INPP5B: variants seen among roughly 807,000 people sequenced by gnomAD.
The protein encoded by INPP5B is inositol polyphosphate-5-phosphatase B.
Under a neutral mutation model 118.5 loss-of-function variants are expected in INPP5B, and 90 were observed. The ratio of observed to expected loss-of-function variants is 0.76; its 90% CI spans 0.64 to 0.90. INPP5B has a LOEUF of 0.90. Ranked by LOEUF, INPP5B falls within the 40% of genes least tolerant of loss-of-function variation. The pLI is 0.00. For synonymous variants in INPP5B, 385 were observed against 418.9 expected (o/e 0.92, Z 0.99); for missense variants, 984 against 1,125.6 (o/e 0.87, Z 1.80).
intron 7 of INPP5B, chr1:37,930,025 C>G (rs1017606613): frequency 1.3e-5 from 2 of 152,196 alleles, no homozygotes; most frequent in African/African-American, 4.8e-5. Flanking sequence ...TGAGTCACCA[C>G]GCCTGGCTGA....
At chr1:37,869,713 C>T (rs1487990875) in intron 19 of INPP5B, among the ~76,000 whole-genome samples, 1 of 151,880 alleles carries the variant, frequency 6.6e-6, no homozygotes, top group Non-Finnish European at 1.5e-5. Flanking sequence ...AACTTCTGAC[C>T]TTGTGATCCA....
intron 7 of INPP5B, among the ~76,000 whole-genome samples, chr1:37,913,995 C>G (rs955568622): frequency 6.6e-6 from 1 of 151,968 alleles, no homozygotes; most frequent in Non-Finnish European, 1.5e-5. Flanking sequence ...GTAATATTCT[C>G]CCCGCCCTTG....
At chr1:37,921,156 G>A (rs1317159658) in intron 7 of INPP5B, among the ~76,000 whole-genome samples, 1 of 152,140 alleles carries the variant, frequency 6.6e-6, no homozygotes, top group Admixed American at 6.6e-5. Flanking sequence ...TGGAATTTTT[G>A]TGACACAGTG....
chr1:37,940,515 A>G (rs187746742), intron 6 of INPP5B, among the ~76,000 whole-genome samples, 173 bp downstream of exon 6: 1 of 152,266 alleles, frequency 6.6e-6, no homozygotes, highest in East Asian at 1.9e-4. Context: ...GTAAACACAA[A>G]AGCAAACACC....
rs148542689 is a variant in INPP5B, at chr1:37,933,719, C to CAATAAATAAATA, written c.392-1678_392-1667dup. 1.8e-4 allele frequency among the ~76,000 whole-genome samples: 25 copies of CAATAAATAAATA among 138,564 alleles called. No individual in the cohort carries two copies. The East Asian group carries it at 4.2e-3, about 23-fold the overall frequency. The allele number at this position is 138,564 out of a possible 152,430, so 90.9% of individuals were successfully genotyped here. ...TGGGTGACAGAGCTAGACTCTGTCT[C>CAATAAATAAATA]AATAAATAAATAAATAAATAAATAA... On this transcript the variant is annotated intron_variant, in intron 6 of 23. Transcript: ENST00000373024.
chr1:37,896,444 G>A (rs1476614848), intron 7 of INPP5B, among the ~76,000 whole-genome samples: 1 of 149,954 alleles, frequency 6.7e-6, no homozygotes, highest in Admixed American at 6.6e-5. Flanking sequence ...CCCCCGCCCG[G>A]CCAGCTGCCC....
At chr1:37,890,969 G>A (rs1288839200) in intron 8 of INPP5B, among the ~76,000 whole-genome samples, 1 of 152,184 alleles carries the variant, frequency 6.6e-6, no homozygotes, top group Non-Finnish European at 1.5e-5. Flanking sequence ...GCTCATGCCT[G>A]TAATCCCAGC....
intron 19 of INPP5B, among the ~76,000 whole-genome samples, chr1:37,870,962 C>T (rs888454425): frequency 6.6e-6 from 1 of 152,010 alleles, no homozygotes; most frequent in Non-Finnish European, 1.5e-5. Context: ...CGAGACCGGC[C>T]TGGCCAACAT....
chr1:37,889,565 C>G lies in INPP5B; in HGVS notation c.789G>C (p.Gln263His), dbSNP rs770373670. 11 of 1,609,988 alleles carry G rather than the reference C, an allele frequency of 6.8e-6. No individual in the cohort carries two copies. The South Asian group carries it at 1.2e-4, about 18-fold the overall frequency. Reference protein sequence around the residue: ...LQKEEDYTYIQNFRFFAGTYN... With the variant: ...LQKEEDYTYIHNFRFFAGTYN... ...AGAACCCAGTTAGCTACCTGAAGTT[C>G]TGGATATAGGTGTAATCCTCTTCTT... The change falls in exon 9 of 24, where the codon CAG (glutamine) becomes CAC (histidine). Residue 263 changes from glutamine to histidine, a missense_variant. Transcript: ENST00000373024.
intron 7 of INPP5B, among the ~76,000 whole-genome samples, chr1:37,914,005 G>A (rs908652221): frequency 6.6e-6 from 1 of 151,700 alleles, no homozygotes; most frequent in African/African-American, 2.4e-5. Flanking sequence ...CCCCGCCCTT[G>A]AGAATGTACT....
chr1:37,885,056 A>G (rs1643439236), intron 13 of INPP5B: 1 of 152,218 alleles, frequency 6.6e-6, no homozygotes, highest in Non-Finnish European at 1.5e-5. Flanking sequence ...ACTAAAATTG[A>G]AATGATACAG....
At chr1:37,906,542 G>GA (rs990867595) in intron 7 of INPP5B, among the ~76,000 whole-genome samples, 6 of 152,106 alleles carry the variant, frequency 3.9e-5, no homozygotes, top group East Asian at 3.9e-4. Flanking sequence ...CTGGAGAGAG[G>GA]AAAAAAATAT....
At chr1:37,917,702 G>A (rs1434146552) in intron 7 of INPP5B, among the ~76,000 whole-genome samples, 8 of 152,050 alleles carry the variant, frequency 5.3e-5, no homozygotes, top group Non-Finnish European at 5.9e-5. Flanking sequence ...GTTCACGATG[G>A]GAGGATGGCT....
chr1:37,899,790 C>A (rs1047730802), intron 7 of INPP5B, among the ~76,000 whole-genome samples: 3 of 151,096 alleles, frequency 2.0e-5, no homozygotes, highest in Non-Finnish European at 2.9e-5. Context: ...TCTCGGCTCA[C>A]TGAAGCTTCG....
chr1:37,928,299 A>G (rs1645317580), intron 7 of INPP5B, among the ~76,000 whole-genome samples: 1 of 151,812 alleles, frequency 6.6e-6, no homozygotes, highest in African/African-American at 2.4e-5. Context: ...TCAGCCTCCC[A>G]AGTAGCAGGG....
At chr1:37,891,495 C>T (rs779526580) in intron 7 of INPP5B, 41 bp from the exon 8 acceptor site, 2 of 1,428,500 alleles carry the variant, frequency 1.4e-6, no homozygotes, top group Non-Finnish European at 2.0e-6. Flanking sequence ...CATACATAGG[C>T]TGGACATGGT....
chr1:37,916,658 C>T (rs897476653), intron 7 of INPP5B, among the ~76,000 whole-genome samples: 6 of 152,226 alleles, frequency 3.9e-5, no homozygotes, highest in Admixed American at 3.3e-4. Context: ...TCAGGTGATC[C>T]GCCTGCCTCA....
intron 15 of INPP5B, 79 bp from the exon 16 acceptor site, chr1:37,878,402 G>C: frequency 6.4e-7 from 1 of 1,572,344 alleles, no homozygotes; most frequent in Admixed American, 1.8e-5. Context: ...GGCTCAGGTG[G>C]GGAGTGATGA....
intron 7 of INPP5B, among the ~76,000 whole-genome samples, chr1:37,922,058 T>G (rs114713507): frequency 0.013 from 2,005 of 151,090 alleles, 30 homozygotes; most frequent in African/African-American, 0.046. Flanking sequence ...AAAAATGAGC[T>G]GGGTGTGGTG....
Sources: allele counts gnomAD v4.1 joint callset (sites outside exome capture counted in the v4.1 genomes callset), GRCh38; gene constraint gnomAD v4.1.1; transcripts MANE v1.5; gene names NCBI Gene and HGNC (gene_info 2026-07-23, HGNC 2026-07-21).